The following PMEL variants were observed in gnomAD, a reference collection of about 807,000 sequenced individuals.
PMEL encodes the protein premelanosome protein.
In PMEL, 53 loss-of-function variants were observed where a neutral mutation model predicts 64.9. That is an observed-to-expected ratio of 0.82 (90% CI 0.66 to 1.03). PMEL has a LOEUF of 1.03. Ranked by LOEUF, PMEL falls within the 50% of genes least tolerant of loss-of-function variation. The pLI is 0.00. For missense variants in PMEL, 716 were observed against 814.9 expected (o/e 0.88, Z 1.48); for synonymous variants, 299 against 316.2 (o/e 0.95, Z 0.58).
Position 55,955,794 on chromosome 12 carries a change from ACAGT to A in PMEL, c.1537_1540del (p.Thr513CysfsTer45), listed in dbSNP as rs751382242. The A allele has an allele frequency of 9.3e-6, 15 of 1,613,980 alleles. No individual in the cohort carries two copies. Among genetic ancestry groups the A allele is most frequent in the African/African-American group, 5.3e-5 (4 of 75,058 alleles). On this transcript the variant is annotated frameshift_variant, in exon 8 of 11. Transcript: ENST00000548747. LOFTEE classifies it high-confidence loss of function. ...AGACACTCACCCGCCTTGGCAGGACACAGTCAGCTCAAATGCATCCCCCTCACCG... is the reference window on the plus strand; with the variant it reads ...AGACACTCACCCGCCTTGGCAGGACACAGCTCAAATGCATCCCCCTCACCG...
At chr12:55,965,269 C>G (rs1280571526) in intron 1 of PMEL, among the ~76,000 whole-genome samples, 1 of 152,110 alleles carries the variant, frequency 6.6e-6, no homozygotes, top group Non-Finnish European at 1.5e-5. Flanking sequence ...GTTGATTCTG[C>G]TGGGGGAGGA....
intron 6 of PMEL, chr12:55,956,663 A>G: frequency 2.6e-6 from 1 of 386,306 alleles, no homozygotes; most frequent in Non-Finnish European, 4.7e-6. Context: ...TAAATATTAT[A>G]TAAATGATCA....
At chr12:55,963,257 T>C (rs942475685) in intron 1 of PMEL, among the ~76,000 whole-genome samples, 3 of 152,092 alleles carry the variant, frequency 2.0e-5, no homozygotes, top group Non-Finnish European at 4.4e-5. Context: ...CTGGCAGAGA[T>C]TGGGGATGGG....
At chr12:55,954,469 C>T in intron 10 of PMEL, 120 bp from the exon 11 acceptor site, 1 of 967,292 alleles carries the variant, frequency 1.0e-6, no homozygotes, top group South Asian at 1.4e-5. Context: ...TAGCTTCCTC[C>T]CCTTCTCCTC....
Position 55,963,823 on chromosome 12 carries a change from G to A in PMEL, c.77-2091C>T, listed in dbSNP as rs1015978139. ...GATATAATGTATGTATTTCAGCACA[G>A]CAGAAACTACCCTCACCCCATTTTT... On this transcript the variant is annotated intron_variant, in intron 1 of 10. Coordinates refer to ENST00000548747, the MANE Select transcript of PMEL (RefSeq NM_001384361.1). Among the ~76,000 whole-genome samples the A allele has an allele frequency of 2.6e-5, 4 of 152,154 alleles. No individual in the cohort carries two copies. The East Asian group carries it at 5.8e-4, about 22-fold the overall frequency.
chr12:55,954,126 CA>C lies in PMEL; in HGVS notation c.*87del. On this transcript the variant is annotated 3_prime_UTR_variant, in exon 11 of 11. Transcript: ENST00000548747. ...AGCATCAGGCTCTGAGTATTTATTTCAGTTAATAGTAGTCTCCCAGGGAAGA... is the reference window on the plus strand; with the variant it reads ...AGCATCAGGCTCTGAGTATTTATTTCGTTAATAGTAGTCTCCCAGGGAAGA... 7.9e-7 allele frequency: 1 copy of C among 1,270,454 alleles called. No homozygotes were observed. Among genetic ancestry groups the C allele is most frequent in the Non-Finnish European group, 1.1e-6 (1 of 914,498 alleles). 78.7% of individuals were successfully genotyped at this position (1,270,454 alleles called of 1,614,324 possible).
At chr12:55,965,256 C>T (rs1237566708) in intron 1 of PMEL, among the ~76,000 whole-genome samples, 1 of 152,130 alleles carries the variant, frequency 6.6e-6, no homozygotes, top group African/African-American at 2.4e-5. Context: ...TGCTGTAACC[C>T]TAGTTGATTC....
upstream of PMEL, chr12:55,966,137 G>A: frequency 6.7e-7 from 1 of 1,497,406 alleles, no homozygotes; most frequent in Non-Finnish European, 9.0e-7. Context: ...GGGGCCGGAG[G>A]AGAGGAAAAA....
chr12:55,962,344 G>A (rs988816561), intron 1 of PMEL, among the ~76,000 whole-genome samples: 1 of 148,470 alleles, frequency 6.7e-6, no homozygotes, highest in Non-Finnish European at 1.5e-5. Context: ...TTGGGAGGCT[G>A]AGGCAGGAGA....
rs767615129 is a variant in PMEL, at chr12:55,958,551, T to C, written c.391A>G (p.Ile131Val). 1.2e-6 allele frequency: 2 copies of C among 1,614,146 alleles called. No homozygotes were observed. The highest frequency in any genetic ancestry group is 8.5e-7 in the Non-Finnish European group (1 of 1,179,990). The stretch of plus-strand genomic sequence containing the variant: ...GGGCAAGGTCCACCATCAGGGAAGA[T>C]GCAGGCATCGTCAGTTTCCTGGGGA... ...VYPQETDDAC[I>V]FPDGGPCPSG... Residue 131 changes from isoleucine to valine, a missense_variant, in exon 4 of 11, where the codon ATC (isoleucine) becomes GTC (valine). Ile to Val is a conservative substitution (Grantham distance 29). Coordinates refer to ENST00000548747, the MANE Select transcript of PMEL (RefSeq NM_001384361.1).
rs758922443 is a variant in PMEL at position 55,961,740 on chromosome 12, G to A, written c.77-8C>T. 6.3e-7 allele frequency: 1 copy of A among 1,597,568 alleles called. No homozygotes were observed. Among genetic ancestry groups the A allele is most frequent in the Non-Finnish European group, 8.6e-7 (1 of 1,164,926 alleles). On this transcript the variant is annotated splice_region_variant and splice_polypyrimidine_tract_variant and intron_variant, in intron 1 of 10. Coordinates refer to ENST00000548747, the MANE Select transcript of PMEL (RefSeq NM_001384361.1). ...AGTCCTGGTTTCTGGGTACTAAAAG[G>A]AATGTGCCATGAAGGGCCCTAGGAT...
At chr12:55,960,873 C>T (rs931556524) in intron 3 of PMEL, among the ~76,000 whole-genome samples, 2 of 148,706 alleles carry the variant, frequency 1.3e-5, no homozygotes, top group African/African-American at 4.9e-5. Context: ...ATTTTAACTA[C>T]AATGAGTATG....
At chr12:55,966,067 A>G (rs532174172), upstream of PMEL, 38 of 1,613,576 alleles carry the variant, frequency 2.4e-5, 2 homozygotes, top group South Asian at 3.7e-4. Context: ...AGGCCCCTAT[A>G]TAAGAAAAGG....
In PMEL at chr12:55,960,537, G is replaced by GTTTTTTTTTTTTTTT. The variant is rs760692409; in HGVS notation, c.334+765_334+779dup. On this transcript the variant is annotated intron_variant, in intron 3 of 10. Transcript: ENST00000548747. ...TAATTTTCTTTTCTTTTTGCTTTCTGTTTTTTTTTTTTTTTTTTTTTTTGA... is the reference window on the plus strand; with the variant it reads ...TAATTTTCTTTTCTTTTTGCTTTCTGTTTTTTTTTTTTTTTTTTTTTTTTTTTTTTTTTTTTTTGA... 1.0e-4 allele frequency among the ~76,000 whole-genome samples: 10 copies of GTTTTTTTTTTTTTTT among 97,296 alleles called. 2 individuals carry two copies. Among genetic ancestry groups the GTTTTTTTTTTTTTTT allele is most frequent in the African/African-American group, 4.5e-4 (10 of 22,140 alleles). 63.8% of individuals were successfully genotyped at this position (97,296 alleles called of 152,430 possible).
At chr12:55,965,811 C>G in intron 1 of PMEL, 125 bp downstream of exon 1, 1 of 1,222,418 alleles carries the variant, frequency 8.2e-7, no homozygotes, top group South Asian at 1.3e-5. Context: ...CACATCCTCA[C>G]TAAATCAAAT....
At chr12:55,958,194 T>C in intron 4 of PMEL, 110 bp from the exon 5 acceptor site, 2 of 1,174,296 alleles carry the variant, frequency 1.7e-6, no homozygotes, top group Non-Finnish European at 2.4e-6. Context: ...GTATGATTAC[T>C]TCTGAGGGTG....
At chr12:55,966,122 T>C (rs1263701784), upstream of PMEL, 9 of 1,564,166 alleles carry the variant, frequency 5.8e-6, no homozygotes, top group Admixed American at 1.9e-5. Context: ...AGAGAAGGCC[T>C]GGGAGGGGCC....
At chr12:55,965,181 C>T (rs1399956694) in intron 1 of PMEL, among the ~76,000 whole-genome samples, 1 of 152,122 alleles carries the variant, frequency 6.6e-6, no homozygotes, top group East Asian at 1.9e-4. Context: ...CCTGCTTCAG[C>T]CTCCCAAAGT....
chr12:55,958,370 A>G, intron 4 of PMEL, 103 bp downstream of exon 4: 1 of 1,201,288 alleles, frequency 8.3e-7, no homozygotes, highest in Non-Finnish European at 1.2e-6. Context: ...AGATTAGAGA[A>G]AATCACAGAA....
Sources: allele counts gnomAD v4.1 joint callset (sites outside exome capture counted in the v4.1 genomes callset), GRCh38; gene constraint gnomAD v4.1.1; transcripts MANE v1.5; gene names NCBI Gene and HGNC (gene_info 2026-07-23, HGNC 2026-07-21).